The following SGCD variants were observed in gnomAD, a reference collection of about 807,000 sequenced individuals.
The protein encoded by SGCD is delta-sarcoglycan.
SGCD carries 18 observed loss-of-function variants against 36.6 expected under a neutral mutation model. The observed-to-expected ratio is 0.49, with a 90% confidence interval of 0.34 to 0.73. The LOEUF (loss-of-function observed/expected upper bound fraction) is 0.73. Among genes scored for constraint, SGCD ranks in the 30% least tolerant of loss-of-function variants. The pLI is 0.01. For synonymous variants in SGCD, 133 were observed against 130.6 expected, an observed-to-expected ratio of 1.02 and a Z score of -0.12; for missense variants, 387 against 346.7, an observed-to-expected ratio of 1.12 and a Z score of -0.92.
chr5:156,406,822 A>ATATATATATATATATATATAT (rs1772453701), intron 3 of SGCD, among the ~76,000 whole-genome samples: 1 of 92,030 alleles, frequency 1.1e-5, no homozygotes, highest in Non-Finnish European at 2.2e-5. Flanking sequence ...ATATATATAC[A>ATATATATATATATATATATAT]CACACACACA....
intron 3 of SGCD, among the ~76,000 whole-genome samples, chr5:156,290,876 C>T (rs2127677875): frequency 6.6e-6 from 1 of 152,258 alleles, no homozygotes; most frequent in Non-Finnish European, 1.5e-5. Flanking sequence ...GAATCACAAA[C>T]TTGCCTGTAA....
chr5:156,337,814 T>G (rs1768436991), intron 2 of SGCD, among the ~76,000 whole-genome samples: 1 of 152,166 alleles, frequency 6.6e-6, no homozygotes, highest in Non-Finnish European at 1.5e-5. Context: ...ACATATATAG[T>G]AGATGTCAAA....
chr5:155,843,747 G>T, the SGCD span, among the ~76,000 whole-genome samples: 9 of 152,294 alleles, frequency 5.9e-5, no homozygotes, highest in African/African-American at 1.9e-4. Flanking sequence ...GCTGAACATG[G>T]AGTAGGGGGG....
the SGCD span, among the ~76,000 whole-genome samples, chr5:155,760,142 C>A: frequency 6.6e-6 from 1 of 151,348 alleles, no homozygotes; most frequent in Non-Finnish European, 1.5e-5. Context: ...TCTCCATCAC[C>A]CTCTCTATCA....
intron 1 of SGCD, among the ~76,000 whole-genome samples, chr5:156,001,162 A>G (rs1240125427): frequency 6.6e-6 from 1 of 152,218 alleles, no homozygotes; most frequent in Non-Finnish European, 1.5e-5. Flanking sequence ...GATGTGGGAC[A>G]GGCTCTGGGA....
At chr5:156,219,051 A>C (rs1043565347) in intron 3 of SGCD, among the ~76,000 whole-genome samples, 1 of 152,162 alleles carries the variant, frequency 6.6e-6, no homozygotes, top group African/African-American at 2.4e-5. Context: ...GGAAGAAATT[A>C]ATTTAATCAT....
chr5:156,266,836 A>G (rs973951087), intron 3 of SGCD, among the ~76,000 whole-genome samples: 1 of 151,370 alleles, frequency 6.6e-6, no homozygotes, highest in Admixed American at 6.6e-5. Context: ...AAGATGACAG[A>G]GAAAAAATAA....
At chr5:156,555,827 C>T (rs1352181806) in intron 4 of SGCD, among the ~76,000 whole-genome samples, 2 of 151,912 alleles carry the variant, frequency 1.3e-5, no homozygotes, top group African/African-American at 4.8e-5. Flanking sequence ...ACACAAGATA[C>T]CTTCCCATTT....
the SGCD span, among the ~76,000 whole-genome samples, chr5:155,788,281 CT>C: frequency 2.0e-5 from 3 of 152,020 alleles, no homozygotes; most frequent in South Asian, 6.2e-4. Context: ...CTGTTAGTTC[CT>C]TTTCCCCACA....
At chr5:156,714,413 A>G (rs1192259835) in intron 7 of SGCD, among the ~76,000 whole-genome samples, 1 of 152,218 alleles carries the variant, frequency 6.6e-6, no homozygotes, top group African/African-American at 2.4e-5. Context: ...AGAGAAAAAT[A>G]TGTGTTAGAT....
intron 3 of SGCD, among the ~76,000 whole-genome samples, chr5:156,356,950 G>A (rs1453100135): frequency 6.6e-6 from 1 of 152,176 alleles, no homozygotes; most frequent in Non-Finnish European, 1.5e-5. Flanking sequence ...AGAGACAAGG[G>A]ATAGATTTTC....
chr5:156,373,777 A>G lies in SGCD; in HGVS notation c.192+29100A>G, dbSNP rs562117620. On this transcript the variant is annotated intron_variant, in intron 3 of 8. Coordinates refer to ENST00000337851, the MANE Select transcript of SGCD (RefSeq NM_000337.6). ...AAACAGTAAAATGAGGCACAGACCAAGGGCTGTTGCTAGCTCAGGCCAAGA... is the reference window on the plus strand; with the variant it reads ...AAACAGTAAAATGAGGCACAGACCAGGGGCTGTTGCTAGCTCAGGCCAAGA... Among the ~76,000 whole-genome samples the G allele has an allele frequency of 2.6e-5, 4 of 152,352 alleles. No individual in the cohort carries two copies. In the South Asian group the frequency reaches 8.3e-4, roughly 32 times the overall value.
intron 3 of SGCD, among the ~76,000 whole-genome samples, chr5:156,220,255 C>T (rs913952323): frequency 1.3e-5 from 2 of 152,106 alleles, no homozygotes; most frequent in Non-Finnish European, 2.9e-5. Context: ...AAGTCCTGCT[C>T]CTCAGATTTT....
In SGCD at chr5:155,917,567, A is replaced by G. The variant is rs543907861; in HGVS notation, c.-282+47143A>G. On this transcript the variant is annotated intron_variant, in intron 1 of 9. Coordinates refer to the SGCD transcript ENST00000517913. ...CATACAGCCTAACCAACTAGAAAGT[A>G]GGCTTTTCTACTGTTTTCAATGGAA... Among the ~76,000 whole-genome samples the G allele has an allele frequency of 3.3e-5, 5 of 152,342 alleles. No individual in the cohort carries two copies. The South Asian group carries it at 1.0e-3, about 32-fold the overall frequency.
intron 1 of SGCD, among the ~76,000 whole-genome samples, chr5:155,895,443 T>C (rs1258642446): frequency 6.6e-6 from 1 of 152,208 alleles, no homozygotes; most frequent in Non-Finnish European, 1.5e-5. Flanking sequence ...GAAAGTTCTC[T>C]TTAATGGGCT....
chr5:156,068,677 A>G (rs1312818282), intron 1 of SGCD, among the ~76,000 whole-genome samples: 1 of 151,814 alleles, frequency 6.6e-6, no homozygotes, highest in South Asian at 2.1e-4. Context: ...TTCTAGTTCT[A>G]GATCCCTCAG....
At chr5:156,676,051 A>C (rs1753494533) in intron 7 of SGCD, among the ~76,000 whole-genome samples, 1 of 152,210 alleles carries the variant, frequency 6.6e-6, no homozygotes, top group South Asian at 2.1e-4. Flanking sequence ...TTACACATTA[A>C]ACTCTAATGA....
At chr5:156,431,319 A>G (rs114301250) in intron 3 of SGCD, among the ~76,000 whole-genome samples, 2,067 of 152,152 alleles carry the variant, frequency 0.014, 22 homozygotes, top group Non-Finnish European at 0.023. Flanking sequence ...TTAAGATCTG[A>G]TTATCTCGAT....
At chr5:155,838,427 C>A in the SGCD span, among the ~76,000 whole-genome samples, 1 of 152,010 alleles carries the variant, frequency 6.6e-6, no homozygotes, top group Non-Finnish European at 1.5e-5. Context: ...GAACATTATT[C>A]CATAGGGTTT....
Sources: allele counts gnomAD v4.1 joint callset (sites outside exome capture counted in the v4.1 genomes callset), GRCh38; gene constraint gnomAD v4.1.1; transcripts MANE v1.5; gene names NCBI Gene and HGNC (gene_info 2026-07-23, HGNC 2026-07-21).